Variants in ADK observed in about 807,000 individuals in gnomAD.
ADK encodes the protein adenosine kinase, also known as N6,N6-dimethyladenosine kinase.
A neutral mutation model predicts 44.7 loss-of-function variants in ADK; 24 were observed. That is an observed-to-expected ratio of 0.54 (90% CI 0.39 to 0.76). The LOEUF (loss-of-function observed/expected upper bound fraction) is 0.76. Among genes scored for constraint, ADK ranks in the 30% least tolerant of loss-of-function variants. The pLI, the probability that ADK is intolerant of heterozygous loss-of-function variation, is 0.00. For missense variants in ADK, 321 were observed against 425.1 expected (o/e 0.76, Z 2.15); for synonymous variants, 128 against 142.6 (o/e 0.90, Z 0.73).
At chr10:74,358,220 G>A (rs1842209180) in intron 4 of ADK, among the ~76,000 whole-genome samples, 1 of 152,066 alleles carries the variant, frequency 6.6e-6, no homozygotes, top group African/African-American at 2.4e-5. Context: ...AAATATTTAT[G>A]TCAAGTGACA....
intron 7 of ADK, among the ~76,000 whole-genome samples, chr10:74,532,485 A>AC (rs1294944164): frequency 4.6e-5 from 7 of 151,806 alleles, no homozygotes; most frequent in Non-Finnish European, 7.4e-5. Flanking sequence ...CAAAAAAAAA[A>AC]AAAAAACCCT....
chr10:74,490,138 A>T (rs954106734), intron 6 of ADK, among the ~76,000 whole-genome samples: 1 of 152,060 alleles, frequency 6.6e-6, no homozygotes, highest in Non-Finnish European at 1.5e-5. Context: ...CAAATCCATG[A>T]CATCTGAATT....
At chr10:74,242,588 G>A (rs1435444524) in intron 3 of ADK, among the ~76,000 whole-genome samples, 1 of 152,200 alleles carries the variant, frequency 6.6e-6, no homozygotes, top group Non-Finnish European at 1.5e-5. Context: ...GCAAATAGGG[G>A]TGGGTCCCTG....
intron 9 of ADK, among the ~76,000 whole-genome samples, chr10:74,607,006 A>G (rs1852346048): frequency 1.3e-5 from 2 of 151,472 alleles, no homozygotes; most frequent in African/African-American, 2.4e-5. Context: ...GTCTTTTTTG[A>G]TCTTTGTTGG....
At chr10:74,631,258 GAT>G (rs1297060780) in intron 9 of ADK, among the ~76,000 whole-genome samples, 1 of 149,966 alleles carries the variant, frequency 6.7e-6, no homozygotes, top group African/African-American at 2.5e-5. Context: ...GTATGTGTGT[GAT>G]ATATATATGA....
At chr10:74,263,061 C>G (rs978903492) in intron 3 of ADK, among the ~76,000 whole-genome samples, 1 of 152,142 alleles carries the variant, frequency 6.6e-6, no homozygotes, top group Non-Finnish European at 1.5e-5. Context: ...GACCTCATGG[C>G]TAAATGGCCT....
intron 1 of ADK, among the ~76,000 whole-genome samples, chr10:74,200,156 G>GTTTTTTTT (rs760622376): frequency 1.1e-4 from 11 of 99,274 alleles, no homozygotes; most frequent in Non-Finnish European, 1.6e-4. Context: ...GACACCATCT[G>GTTTTTTTT]TTTTTTTTTT....
intron 9 of ADK, 76 bp downstream of exon 9, chr10:74,600,569 C>G (rs1032911848): frequency 5.1e-6 from 4 of 778,424 alleles, no homozygotes; most frequent in Non-Finnish European, 8.4e-6. Context: ...TGTATTCTTT[C>G]TATTATAATA....
intron 3 of ADK, among the ~76,000 whole-genome samples, chr10:74,272,304 G>A (rs1251226866): frequency 6.6e-6 from 1 of 151,552 alleles, no homozygotes; most frequent in Non-Finnish European, 1.5e-5. Context: ...TTGAGACAGG[G>A]TCTCACTCTG....
chr10:74,586,854 CAA>C (rs35038709), intron 7 of ADK, among the ~76,000 whole-genome samples: 166 of 106,482 alleles, frequency 1.6e-3, no homozygotes, highest in African/African-American at 5.6e-3. Flanking sequence ...AGCTCTGTCT[CAA>C]AAAAAAAAAA....
rs1233953585 is a variant in ADK, at chr10:74,580,572, TC to T, written c.727-8709del. The stretch of plus-strand genomic sequence containing the variant: ...CCTGGGCAACAAGAGCAAAACTCCA[TC>T]TAAAAAAAAAAAAAAAAGGAGTTAC... On this transcript the variant is annotated intron_variant, in intron 7 of 10. Transcript: ENST00000539909. Among the ~76,000 whole-genome samples the T allele has an allele frequency of 6.8e-5, 9 of 132,294 alleles. No homozygotes were observed. In the East Asian group the frequency reaches 2.9e-3, roughly 43 times the overall value. The allele number at this position is 132,294 out of a possible 152,430, so 86.8% of individuals were successfully genotyped here.
chr10:74,421,216 C>G (rs946701512), intron 6 of ADK, among the ~76,000 whole-genome samples: 5 of 152,108 alleles, frequency 3.3e-5, no homozygotes, highest in Admixed American at 2.0e-4. Flanking sequence ...GACTAAGGAA[C>G]ACTATAGAAA....
At chr10:74,287,945 A>T (rs937462777) in intron 3 of ADK, among the ~76,000 whole-genome samples, 7 of 148,318 alleles carry the variant, frequency 4.7e-5, no homozygotes, top group Non-Finnish European at 1.0e-4. Context: ...TGGTGCCACT[A>T]CACTCCTGCC....
At chr10:74,444,285 G>A (rs1258615841) in intron 6 of ADK, among the ~76,000 whole-genome samples, 1 of 152,150 alleles carries the variant, frequency 6.6e-6, no homozygotes, top group Non-Finnish European at 1.5e-5. Context: ...CCTGCAGCGA[G>A]AGAGGAAGAA....
intron 9 of ADK, among the ~76,000 whole-genome samples, chr10:74,616,067 A>G (rs1161631186): frequency 6.6e-6 from 1 of 152,122 alleles, no homozygotes; most frequent in Non-Finnish European, 1.5e-5. Flanking sequence ...TCTTTTGCCC[A>G]TATTGAGTTG....
intron 5 of ADK, among the ~76,000 whole-genome samples, chr10:74,396,236 C>G (rs1431556669): frequency 6.6e-6 from 1 of 152,140 alleles, no homozygotes; most frequent in Non-Finnish European, 1.5e-5. Context: ...CTGCCACTAT[C>G]AAAAACTCAG....
At chr10:74,374,000 A>G (rs1158073129) in intron 4 of ADK, among the ~76,000 whole-genome samples, 1 of 152,180 alleles carries the variant, frequency 6.6e-6, no homozygotes, top group Admixed American at 6.5e-5. Context: ...AATTTTGAAA[A>G]TATCGTGCTA....
intron 6 of ADK, chr10:74,506,316 G>T: frequency 3.7e-6 from 1 of 268,106 alleles, no homozygotes; most frequent in South Asian, 3.7e-5. Flanking sequence ...CACAGCTGCA[G>T]ACCTCAATCT....
chr10:74,607,411 T>C (rs1190199794), intron 9 of ADK, among the ~76,000 whole-genome samples: 6 of 152,204 alleles, frequency 3.9e-5, no homozygotes, highest in African/African-American at 1.4e-4. Flanking sequence ...CAGGAGCTCT[T>C]GTAAGGCAGG....
Sources: allele counts gnomAD v4.1 joint callset (sites outside exome capture counted in the v4.1 genomes callset), GRCh38; gene constraint gnomAD v4.1.1; transcripts MANE v1.5; gene names NCBI Gene and HGNC (gene_info 2026-07-23, HGNC 2026-07-21).